Variants in DNAH17 observed in about 807,000 individuals in gnomAD.
DNAH17 encodes axonemal beta dynein heavy chain 17.
In DNAH17, 376 loss-of-function variants were observed where a neutral mutation model predicts 485.6. The ratio of observed to expected loss-of-function variants is 0.77; its 90% confidence interval spans 0.71 to 0.84. The LOEUF is 0.84. Among genes scored for constraint, DNAH17 ranks in the 40% least tolerant of loss-of-function variants. DNAH17 has a pLI of 0.00. For synonymous variants in DNAH17, 3,031 were observed against 2,405.9 expected, an observed-to-expected ratio of 1.26 and a Z score of -7.60; for missense variants, 6,370 against 5,839.3, an observed-to-expected ratio of 1.09 and a Z score of -2.96.
At chr17:78,547,959 T>C (rs2091809731) in intron 16 of DNAH17, among the ~76,000 whole-genome samples, 2 of 152,082 alleles carry the variant, frequency 1.3e-5, no homozygotes, top group Admixed American at 6.5e-5. Context: ...ATGTTGTTCG[T>C]CTCCCTCATC....
chr17:78,569,439 T>C lies in DNAH17; in HGVS notation c.1133A>G (p.Asn378Ser), dbSNP rs149307843. Residue 378 changes from asparagine (N) to serine (S), a missense_variant, in exon 8 of 81, where the codon AAT (asparagine) becomes AGT (serine). Transcript: ENST00000389840. ...EVLSGISLAV[N>S]VLKELYQTYD... ...CGTCTGGTAGAGCTCCTTCAGCACA[T>C]TTACAGCCAGGGAGATGCCACTCAG... 4 of 1,612,480 alleles carry C rather than the reference T, an allele frequency of 2.5e-6. No individual in the cohort carries two copies. The highest frequency in any genetic ancestry group is 2.5e-6 in the Non-Finnish European group (3 of 1,179,242).
In DNAH17 at chr17:78,561,792, G is replaced by A. The variant is rs201399166; in HGVS notation, c.1758C>T (p.Ala586=). Residue 586 remains alanine, a synonymous_variant, in exon 12 of 81, where the codon GCC becomes GCT. Transcript: ENST00000389840. ...PLIHKNMPPV[A]GQLKWSLELQ... ...GCTCCAGGCTCCATTTGAGCTGCCC[G>A]GCCACGGGAGGCATGTTTTTGTGGA... 1.7e-4 allele frequency: 270 copies of A among 1,613,490 alleles called. No homozygotes were observed. The highest frequency in any genetic ancestry group is 1.1e-4 in the East Asian group (5 of 44,892).
At chr17:78,504,308 G>A (rs923413781) in intron 31 of DNAH17, among the ~76,000 whole-genome samples, 3 of 151,990 alleles carry the variant, frequency 2.0e-5, no homozygotes, top group African/African-American at 4.8e-5. Flanking sequence ...CAGATGATCC[G>A]CCCACCTCGA....
intron 60 of DNAH17, 51 bp downstream of exon 60, chr17:78,459,733 T>C: frequency 6.2e-7 from 1 of 1,601,352 alleles, no homozygotes; most frequent in Non-Finnish European, 8.6e-7. Flanking sequence ...TGCCTTGGCC[T>C]GATGGAGAAT....
Position 78,485,038 on chromosome 17 carries a change from A to T in DNAH17, c.7484-5T>A. On this transcript the variant is annotated splice_region_variant and splice_polypyrimidine_tract_variant and intron_variant, in intron 47 of 80. Transcript: ENST00000389840. ...CCAGCGGCTTCTCCAGCACCCCTAG[A>T]GAGGGCAGAGGGTCAGCTGCCCGCC... The T allele has an allele frequency of 6.3e-7, 1 of 1,596,534 alleles. No individual in the cohort carries two copies. Among genetic ancestry groups the T allele is most frequent in the East Asian group, 2.2e-5 (1 of 44,544 alleles).
intron 18 of DNAH17, among the ~76,000 whole-genome samples, chr17:78,538,285 G>A (rs949463284): frequency 2.6e-4 from 40 of 152,132 alleles, no homozygotes; most frequent in African/African-American, 9.4e-4. Flanking sequence ...GGAAGTCCCC[G>A]TTTACAGAGT....
chr17:78,496,072 G>A (rs2090060058), intron 37 of DNAH17, 40 bp from the exon 38 acceptor site: 23 of 1,591,330 alleles, frequency 1.4e-5, no homozygotes, highest in Non-Finnish European at 2.0e-5. Context: ...CATGGAAATG[G>A]CCAGCTTCCA....
intron 22 of DNAH17, among the ~76,000 whole-genome samples, chr17:78,527,625 A>C (rs2091114537): frequency 6.6e-6 from 1 of 152,016 alleles, no homozygotes; most frequent in African/African-American, 2.4e-5. Flanking sequence ...TTCCCTTTCT[A>C]TCCCTCCACC....
intron 56 of DNAH17, among the ~76,000 whole-genome samples, 187 bp from the exon 57 acceptor site, chr17:78,463,264 T>C (rs768953497): frequency 2.6e-5 from 4 of 152,158 alleles, no homozygotes; most frequent in Non-Finnish European, 5.9e-5. Flanking sequence ...CACTGCACCA[T>C]GGAAGGGTTT....
chr17:78,552,269 A>G (rs1453094056), intron 15 of DNAH17, among the ~76,000 whole-genome samples: 1 of 152,192 alleles, frequency 6.6e-6, no homozygotes, highest in Non-Finnish European at 1.5e-5. Flanking sequence ...TGCCTCGTCC[A>G]GTGGTGGAAT....
At chr17:78,492,037 G>A (rs185967606) in intron 42 of DNAH17, among the ~76,000 whole-genome samples, 7 of 152,242 alleles carry the variant, frequency 4.6e-5, no homozygotes, top group Admixed American at 3.3e-4. Context: ...AGAAGCCAGC[G>A]AAGGGGGACA....
chr17:78,532,365 G>T, intron 20 of DNAH17, 117 bp downstream of exon 20: 1 of 1,381,298 alleles, frequency 7.2e-7, no homozygotes, highest in Non-Finnish European at 9.6e-7. Context: ...TGTTTGCCTT[G>T]CCCTACCTGG....
chr17:78,572,730 G>C lies in DNAH17; in HGVS notation c.510C>G (p.Ser170Arg). Reference sequence around the variant, plus strand: ...CCATGGACTCCAGCGTGCCATCCAGGCTGCCCAGGTGCTCCGGAATAGGCA... The same window carrying C: ...CCATGGACTCCAGCGTGCCATCCAGCCTGCCCAGGTGCTCCGGAATAGGCA... ...TLLPIPEHLG[S>R]LDGTLESMER... The change falls in exon 3 of 81, where the codon AGC becomes AGG. Residue 170 changes from serine to arginine, a missense_variant. Transcript: ENST00000389840. The C allele has an allele frequency of 6.2e-7, 1 of 1,610,656 alleles. No homozygotes were observed. The highest frequency in any genetic ancestry group is 8.5e-7 in the Non-Finnish European group (1 of 1,178,668).
Position 78,553,280 on chromosome 17 carries a change from T to TGTG in DNAH17, c.2179-478_2179-476dup, listed in dbSNP as rs1555693049. On this transcript the variant is annotated intron_variant, in intron 14 of 80. Coordinates refer to ENST00000389840, the MANE Select transcript of DNAH17 (RefSeq NM_173628.4). Reference sequence around the variant, plus strand: ...TATAAATTACCCAGTCCCAGGTTTTTGTGTTTTTTTTTTTTTTTTTTTTTT... The same window carrying TGTG: ...TATAAATTACCCAGTCCCAGGTTTTTGTGGTGTTTTTTTTTTTTTTTTTTTTTT... Among the ~76,000 whole-genome samples the TGTG allele has an allele frequency of 3.2e-4, 39 of 121,538 alleles. 1 individual carries two copies. Among genetic ancestry groups the TGTG allele is most frequent in the African/African-American group, 1.3e-3 (39 of 31,018 alleles). The allele number at this position is 121,538 out of a possible 152,430, so 79.7% of individuals were successfully genotyped here. A position where few individuals can be genotyped will look rare whatever the true frequency, so the allele number is the denominator to read the frequency against.
intron 26 of DNAH17, among the ~76,000 whole-genome samples, chr17:78,510,868 C>T (rs1303143911): frequency 6.6e-6 from 1 of 152,048 alleles, no homozygotes; most frequent in Non-Finnish European, 1.5e-5. Context: ...TCCGGTGAGA[C>T]ATAAATCCAG....
At chr17:78,528,551 C>T (rs1053069162) in intron 22 of DNAH17, among the ~76,000 whole-genome samples, 1 of 152,070 alleles carries the variant, frequency 6.6e-6, no homozygotes, top group Non-Finnish European at 1.5e-5. Context: ...GGAGGGTGGG[C>T]CCTGTCTGTG....
At chr17:78,560,640 A>G (rs753962208) in intron 13 of DNAH17, 100 bp downstream of exon 13, 6 of 1,279,470 alleles carry the variant, frequency 4.7e-6, no homozygotes, top group Non-Finnish European at 6.3e-6. Context: ...GAACTGTGAT[A>G]TAAACATCGA....
At chr17:78,432,339 G>A (rs1276749229) in intron 75 of DNAH17, among the ~76,000 whole-genome samples, 1 of 152,084 alleles carries the variant, frequency 6.6e-6, no homozygotes, top group Non-Finnish European at 1.5e-5. Flanking sequence ...TTTCAGATCC[G>A]GGTCTTGTTC....
At chr17:78,571,464 G>T in intron 4 of DNAH17, 86 bp from the exon 5 acceptor site, 1 of 1,480,566 alleles carries the variant, frequency 6.8e-7, no homozygotes, top group Non-Finnish European at 9.4e-7. Flanking sequence ...GGCTGGAGCT[G>T]CAGAATTTAC....
Sources: gnomAD v4.1 joint callset for allele counts (sites outside exome capture counted in the v4.1 genomes callset) on GRCh38, gnomAD v4.1.1 for gene constraint, MANE v1.5 for transcripts, NCBI Gene and HGNC (gene_info 2026-07-23, HGNC 2026-07-21) for gene names.